ABHD17B: variants seen among roughly 807,000 people sequenced by gnomAD.
The protein encoded by ABHD17B is abhydrolase domain containing 17B, depalmitoylase.
A neutral mutation model predicts 26.2 loss-of-function variants in ABHD17B; 9 were observed. The observed-to-expected ratio is 0.34, with a 90% CI of 0.21 to 0.60. The LOEUF is 0.60. Ranked by LOEUF, ABHD17B falls within the 20% of genes least tolerant of loss-of-function variation. The pLI is 0.80. For synonymous variants in ABHD17B, 127 were observed against 122.3 expected (o/e 1.04, Z -0.25); for missense variants, 224 against 352.1 (o/e 0.64, Z 2.91).
intron 1 of ABHD17B, among the ~76,000 whole-genome samples, chr9:71,875,605 T>C (rs1826250428): frequency 6.6e-6 from 1 of 152,162 alleles, no homozygotes; most frequent in Non-Finnish European, 1.5e-5. Flanking sequence ...AAATCCTATA[T>C]GACAGGTTTC....
intron 1 of ABHD17B, among the ~76,000 whole-genome samples, chr9:71,892,418 A>G (rs1446939020): frequency 6.6e-6 from 1 of 152,010 alleles, no homozygotes; most frequent in Non-Finnish European, 1.5e-5. Context: ...CTGTAGTCCC[A>G]GCTACTTGGG....
chr9:71,862,828 T>G (rs147562912), downstream of ABHD17B, among the ~76,000 whole-genome samples: 1 of 152,180 alleles, frequency 6.6e-6, no homozygotes, highest in African/African-American at 2.4e-5. Flanking sequence ...TCCATTGGAG[T>G]GCATTGGCAC....
chr9:71,900,039 CAA>C (rs1387938638), intron 1 of ABHD17B, among the ~76,000 whole-genome samples: 2 of 152,082 alleles, frequency 1.3e-5, no homozygotes, highest in Non-Finnish European at 2.9e-5. Flanking sequence ...GTCTAAACCC[CAA>C]AAAAGACAGT....
chr9:71,885,804 A>C (rs1384128191), intron 1 of ABHD17B, among the ~76,000 whole-genome samples: 1 of 152,072 alleles, frequency 6.6e-6, no homozygotes, highest in Non-Finnish European at 1.5e-5. Context: ...ATAACAATTT[A>C]CTAGGGGAAA....
intron 1 of ABHD17B, among the ~76,000 whole-genome samples, chr9:71,903,286 G>A (rs1449131582): frequency 6.6e-6 from 1 of 151,744 alleles, no homozygotes; most frequent in East Asian, 1.9e-4. Context: ...ACTATAAGAA[G>A]CTTCTCATGA....
rs142704723 is a variant in ABHD17B, at chr9:71,891,032, C to T, written c.-3-15949G>A. Among the ~76,000 whole-genome samples, 877 of 152,102 alleles carry T rather than the reference C, an allele frequency of 5.8e-3. 5 individuals are homozygous for T. Among genetic ancestry groups the T allele is most frequent in the African/African-American group, 0.019 (802 of 41,488 alleles). ...GCTGTACTACAACTCCCAAGCACTACCCCCCACCCCCTTACCCAAAGGTCT... is the reference window on the plus strand; with the variant it reads ...GCTGTACTACAACTCCCAAGCACTATCCCCCACCCCCTTACCCAAAGGTCT... On this transcript the variant is annotated intron_variant, in intron 1 of 3. Coordinates refer to ENST00000333421, the MANE Select transcript of ABHD17B (RefSeq NM_001025780.3).
At chr9:71,885,063 C>T (rs1165991688) in intron 1 of ABHD17B, among the ~76,000 whole-genome samples, 1 of 152,040 alleles carries the variant, frequency 6.6e-6, no homozygotes, top group Non-Finnish European at 1.5e-5. Flanking sequence ...TTGCAAGTTA[C>T]TCAAATCACT....
intron 1 of ABHD17B, among the ~76,000 whole-genome samples, chr9:71,909,091 A>T (rs1308627944): frequency 6.6e-6 from 1 of 152,208 alleles, no homozygotes; most frequent in Non-Finnish European, 1.5e-5. Flanking sequence ...TTTCATAAAC[A>T]TTTCAAAATG....
intron 1 of ABHD17B, among the ~76,000 whole-genome samples, chr9:71,876,251 C>CATA (rs1826272724): frequency 6.6e-6 from 1 of 152,192 alleles, no homozygotes; most frequent in Non-Finnish European, 1.5e-5. Flanking sequence ...CCTAACTCTA[C>CATA]CACTTACCGT....
At chr9:71,895,011 CAAA>C (rs1826913169) in intron 1 of ABHD17B, among the ~76,000 whole-genome samples, 1 of 152,150 alleles carries the variant, frequency 6.6e-6, no homozygotes, top group African/African-American at 2.4e-5. Context: ...AGAAATCACT[CAAA>C]AGCCACTGCT....
chr9:71,887,692 C>T (rs1399432164), intron 1 of ABHD17B, among the ~76,000 whole-genome samples: 1 of 152,178 alleles, frequency 6.6e-6, no homozygotes, highest in Non-Finnish European at 1.5e-5. Flanking sequence ...CAAACAGTTC[C>T]ATGCTTTAAA....
rs774243027 is a variant in ABHD17B, at chr9:71,866,829, T to C, written c.825A>G (p.Glu275=). The C allele has an allele frequency of 6.2e-7, 1 of 1,614,208 alleles. No homozygotes were observed. Among genetic ancestry groups the C allele is most frequent in the Non-Finnish European group, 8.5e-7 (1 of 1,180,036 alleles). The change falls in exon 4 of 4, where the codon GAA becomes GAG. Residue 275 remains glutamate, a synonymous_variant. Coordinates refer to ENST00000333421, the MANE Select transcript of ABHD17B (RefSeq NM_001025780.3). ...CCTGTGACACAAACTGTTTCAACCTTTCAAGATACTGTCCATAAAGTTCCA... is the reference window on the plus strand; with the variant it reads ...CCTGTGACACAAACTGTTTCAACCTCTCAAGATACTGTCCATAAAGTTCCA... ...NDVELYGQYL[E]RLKQFVSQEL...
intron 2 of ABHD17B, among the ~76,000 whole-genome samples, chr9:71,873,837 A>G (rs1299123082): frequency 6.6e-6 from 1 of 152,202 alleles, no homozygotes; most frequent in Non-Finnish European, 1.5e-5. Flanking sequence ...CCAGCCTAAA[A>G]AATTTTTTTA....
At chr9:71,862,454 G>T, downstream of ABHD17B, 1 of 1,083,266 alleles carries the variant, frequency 9.2e-7, no homozygotes, top group Non-Finnish European at 1.2e-6. Flanking sequence ...GACTAACATT[G>T]GAGAGCAAAT....
At chr9:71,870,398 T>G in intron 2 of ABHD17B, 136 bp from the exon 3 acceptor site, 2 of 660,470 alleles carry the variant, frequency 3.0e-6, no homozygotes, top group Non-Finnish European at 2.3e-6. Flanking sequence ...TTCTTAGCTA[T>G]TACTGTTAGT....
chr9:71,862,481 A>C (rs1825853334), downstream of ABHD17B: 3 of 1,358,584 alleles, frequency 2.2e-6, no homozygotes, highest in Non-Finnish European at 2.9e-6. Context: ...ATGTCATATA[A>C]TTTGAAAGGA....
At position 71,874,901 on chromosome 9, in the gene ABHD17B, A is replaced by G. The variant is rs760611119; in HGVS notation, c.180T>C (p.Ser60=). Residue 60 remains serine, a synonymous_variant, in exon 2 of 4, where the codon TCT becomes TCC. Coordinates refer to ENST00000333421, the MANE Select transcript of ABHD17B (RefSeq NM_001025780.3). ...AACACTCAATAGCATCTTTTTCTCTAGAAGAATACTGCCAGTCTGCTCGTT... is the reference window on the plus strand; with the variant it reads ...AACACTCAATAGCATCTTTTTCTCTGGAAGAATACTGCCAGTCTGCTCGTT... ...LSERADWQYS[S]REKDAIECFM... is the part of the protein sequence containing the mutation. The G allele has an allele frequency of 2.6e-5, 42 of 1,614,192 alleles. No individual in the cohort carries two copies. The South Asian group carries it at 4.2e-4, about 16-fold the overall frequency.
At chr9:71,889,196 A>T (rs1826703373) in intron 1 of ABHD17B, among the ~76,000 whole-genome samples, 1 of 151,958 alleles carries the variant, frequency 6.6e-6, no homozygotes, top group African/African-American at 2.4e-5. Flanking sequence ...AGGCGCCTGT[A>T]ATCATAGCTA....
chr9:71,896,390 G>A (rs554771879), intron 1 of ABHD17B, among the ~76,000 whole-genome samples: 4 of 152,036 alleles, frequency 2.6e-5, no homozygotes, highest in East Asian at 3.8e-4. Flanking sequence ...GTCTACATAC[G>A]GGCATTAAGG....
Sources: gnomAD v4.1 joint callset for allele counts (sites outside exome capture counted in the v4.1 genomes callset) on GRCh38, gnomAD v4.1.1 for gene constraint, MANE v1.5 for transcripts, NCBI Gene and HGNC (gene_info 2026-07-23, HGNC 2026-07-21) for gene names.